The following ARHGAP15 variants were observed in gnomAD, a reference collection of about 807,000 sequenced individuals.
ARHGAP15 encodes Rho GTPase activating protein 15.
ARHGAP15 carries 51 observed loss-of-function variants against 63.7 expected under a neutral mutation model. The ratio of observed to expected loss-of-function variants is 0.80; its 90% CI spans 0.64 to 1.01. The LOEUF is 1.01. ARHGAP15 is among the 50% of genes least tolerant of loss of function. The pLI is 0.00. For synonymous variants in ARHGAP15, 191 were observed against 193.8 expected (o/e 0.99, Z 0.12); for missense variants, 560 against 564.6 (o/e 0.99, Z 0.08).
chr2:143,700,161 T>G (rs1684022049), intron 12 of ARHGAP15, among the ~76,000 whole-genome samples: 1 of 152,176 alleles, frequency 6.6e-6, no homozygotes, highest in South Asian at 2.1e-4. Context: ...AAGTAGAATA[T>G]TCTAAATGCA....
chr2:143,445,153 A>ATTTTTTTTTTTTTTT (rs10671306), intron 8 of ARHGAP15, among the ~76,000 whole-genome samples: 1 of 74,426 alleles, frequency 1.3e-5, no homozygotes, highest in African/African-American at 5.4e-5. Flanking sequence ...AAGAACAATT[A>ATTTTTTTTTTTTTTT]TTTTTTTTTT....
intron 11 of ARHGAP15, among the ~76,000 whole-genome samples, chr2:143,592,698 C>T (rs1032373186): frequency 3.9e-5 from 6 of 152,206 alleles, no homozygotes; most frequent in African/African-American, 1.4e-4. Flanking sequence ...ACTCTTTAAA[C>T]ACAAGGGGCC....
intron 11 of ARHGAP15, among the ~76,000 whole-genome samples, chr2:143,575,004 A>G (rs1574653101): frequency 6.6e-6 from 1 of 152,172 alleles, no homozygotes; most frequent in Non-Finnish European, 1.5e-5. Context: ...AGTAAAATAG[A>G]TACACATATT....
At chr2:143,527,180 A>G (rs539245375) in intron 10 of ARHGAP15, among the ~76,000 whole-genome samples, 7 of 152,212 alleles carry the variant, frequency 4.6e-5, no homozygotes, top group Non-Finnish European at 8.8e-5. Flanking sequence ...GCATTAATCA[A>G]TTAGTCTACA....
At chr2:143,692,123 A>G (rs1212312093) in intron 12 of ARHGAP15, among the ~76,000 whole-genome samples, 1 of 152,188 alleles carries the variant, frequency 6.6e-6, no homozygotes, top group Non-Finnish European at 1.5e-5. Flanking sequence ...TCATGGTAAG[A>G]ATTGAAGTAG....
At chr2:143,497,659 G>A (rs370620354) in intron 9 of ARHGAP15, among the ~76,000 whole-genome samples, 4 of 152,264 alleles carry the variant, frequency 2.6e-5, no homozygotes, top group South Asian at 4.1e-4. Flanking sequence ...TCTGTCGTTG[G>A]TATAATTCTA....
At chr2:143,629,308 T>C (rs748648570) in intron 12 of ARHGAP15, among the ~76,000 whole-genome samples, 5 of 152,110 alleles carry the variant, frequency 3.3e-5, no homozygotes, top group African/African-American at 7.2e-5. Flanking sequence ...AGAATCCAAG[T>C]ACAGCAACTA....
At chr2:143,331,880 AC>A (rs1207783924) in intron 6 of ARHGAP15, among the ~76,000 whole-genome samples, 3 of 152,132 alleles carry the variant, frequency 2.0e-5, no homozygotes, top group Non-Finnish European at 4.4e-5. Context: ...TAAGCTTCAC[AC>A]CTCATAAATT....
chr2:143,681,915 G>C (rs549367187), intron 12 of ARHGAP15, among the ~76,000 whole-genome samples: 1 of 152,306 alleles, frequency 6.6e-6, no homozygotes, highest in Non-Finnish European at 1.5e-5. Flanking sequence ...CCACCATTTT[G>C]CTCCTTGAAA....
chr2:143,597,196 C>A (rs924083083), intron 11 of ARHGAP15, among the ~76,000 whole-genome samples: 2 of 151,824 alleles, frequency 1.3e-5, no homozygotes, highest in Non-Finnish European at 2.9e-5. Flanking sequence ...GAAAATATGG[C>A]AAAATCTAGG....
At chr2:143,235,245 T>TTTG (rs1264781315) in intron 5 of ARHGAP15, among the ~76,000 whole-genome samples, 1 of 151,732 alleles carries the variant, frequency 6.6e-6, no homozygotes, top group South Asian at 2.1e-4. Context: ...TAGAGTTGTT[T>TTTG]TTTTTTTTTT....
At chr2:143,623,216 C>T (rs891748766) in intron 11 of ARHGAP15, among the ~76,000 whole-genome samples, 3 of 152,188 alleles carry the variant, frequency 2.0e-5, no homozygotes, top group Non-Finnish European at 2.9e-5. Context: ...CCCTTTCAGA[C>T]GTGAATGCAT....
intron 1 of ARHGAP15, among the ~76,000 whole-genome samples, chr2:143,142,447 T>C (rs890603160): frequency 6.6e-6 from 1 of 152,128 alleles, no homozygotes; most frequent in Non-Finnish European, 1.5e-5. Flanking sequence ...TTTTCCTAAA[T>C]TGAAAGAACA....
chr2:143,370,010 A>G (rs962132765), intron 6 of ARHGAP15, among the ~76,000 whole-genome samples: 1 of 152,182 alleles, frequency 6.6e-6, no homozygotes, highest in South Asian at 2.1e-4. Context: ...ATAAGGTAGC[A>G]ACATCACAAT....
intron 13 of ARHGAP15, among the ~76,000 whole-genome samples, chr2:143,743,921 G>T (rs1019235998): frequency 6.6e-5 from 10 of 151,786 alleles, no homozygotes; most frequent in African/African-American, 2.2e-4. Context: ...TGAACCAATA[G>T]ATTTACAAAG....
chr2:143,162,399 C>G (rs1027686963), intron 2 of ARHGAP15: 8 of 152,006 alleles, frequency 5.3e-5, no homozygotes, highest in African/African-American at 1.9e-4. Context: ...GAGACGAAGG[C>G]ACACTGTTCC....
chr2:143,205,239 A>T (rs1380032269), intron 3 of ARHGAP15, among the ~76,000 whole-genome samples: 1 of 148,830 alleles, frequency 6.7e-6, no homozygotes, highest in Non-Finnish European at 1.5e-5. Flanking sequence ...GTGAGCCAAG[A>T]TTGTGCAGAG....
chr2:143,537,329 G>C lies in ARHGAP15; in HGVS notation c.925+17965G>C, dbSNP rs550398216. On this transcript the variant is annotated intron_variant, in intron 10 of 13. Coordinates refer to ENST00000295095, the MANE Select transcript of ARHGAP15 (RefSeq NM_018460.4). ...AAAATTTTCTCCCATTCTGTAGGTT[G>C]CCTGTTCACTCTGATGGTGGTTTCT... Among the ~76,000 whole-genome samples the C allele has an allele frequency of 2.3e-4, 35 of 152,168 alleles. No individual in the cohort carries two copies. The South Asian group carries it at 7.3e-3, about 32-fold the overall frequency.
intron 6 of ARHGAP15, among the ~76,000 whole-genome samples, chr2:143,275,549 C>T (rs1021728979): frequency 3.9e-5 from 6 of 152,124 alleles, no homozygotes; most frequent in African/African-American, 7.2e-5. Context: ...TGGTTAAGTT[C>T]GTATATGTGA....
Sources: gnomAD v4.1 joint callset for allele counts (sites outside exome capture counted in the v4.1 genomes callset) on GRCh38, gnomAD v4.1.1 for gene constraint, MANE v1.5 for transcripts, NCBI Gene and HGNC (gene_info 2026-07-23, HGNC 2026-07-21) for gene names.